The following GLYATL2 variants were observed in gnomAD, a reference collection of about 807,000 sequenced individuals.
The protein encoded by GLYATL2 is glycine-N-acyltransferase like 2, also known as glycine N-acyltransferase-like protein 2.
In GLYATL2, 25 loss-of-function variants were observed where a neutral mutation model predicts 21.4. The observed-to-expected ratio is 1.17, with a 90% CI of 0.85 to 1.63. The LOEUF (loss-of-function observed/expected upper bound fraction) is 1.63. Among genes scored for constraint, GLYATL2 ranks in the 40% most tolerant of loss-of-function variants. GLYATL2 has a pLI of 0.00. For synonymous variants in GLYATL2, 114 were observed against 118.2 expected (o/e 0.96, Z 0.23); for missense variants, 361 against 343.3 (o/e 1.05, Z -0.41).
chr11:58,878,329 C>A, intron 1 of GLYATL2: 1 of 597,358 alleles, frequency 1.7e-6, no homozygotes, highest in Non-Finnish European at 2.6e-6. Flanking sequence ...AAGGATGCTA[C>A]ATGCAGGATC....
chr11:58,868,190 C>A (rs576374752), intron 1 of GLYATL2, among the ~76,000 whole-genome samples: 1 of 149,040 alleles, frequency 6.7e-6, no homozygotes, highest in South Asian at 2.2e-4. Flanking sequence ...GGAATTGAAA[C>A]CTCCCCTGTA....
At chr11:58,851,885 G>A (rs1853747754) in intron 1 of GLYATL2, among the ~76,000 whole-genome samples, 1 of 152,190 alleles carries the variant, frequency 6.6e-6, no homozygotes, top group Admixed American at 6.5e-5. Flanking sequence ...ATTGCCACCT[G>A]AGCTAGCATG....
chr11:58,838,285 G>T lies in GLYATL2; in HGVS notation c.162C>A (p.Ile54=), dbSNP rs140753826. 1.1e-5 allele frequency: 18 copies of T among 1,612,472 alleles called. No individual in the cohort carries two copies. The highest frequency in any genetic ancestry group is 1.5e-5 in the Non-Finnish European group (18 of 1,178,842). The change falls in exon 3 of 6, where the codon ATC becomes ATA. Residue 54 remains isoleucine, a synonymous_variant. Coordinates refer to ENST00000287275, the MANE Select transcript of GLYATL2 (RefSeq NM_145016.4). ...CCTGTTTCTGAGGCCGGGTAATGAC[G>T]ATCTGGTAATCTGGCCAGGCATCTA... is the stretch of plus-strand genomic sequence containing the variant. The part of the protein sequence containing the change: ...VLVDAWPDYQ[I]VITRPQKQEM...
chr11:58,876,066 T>C (rs1054257282), intron 1 of GLYATL2, among the ~76,000 whole-genome samples: 2 of 152,248 alleles, frequency 1.3e-5, no homozygotes, highest in African/African-American at 4.8e-5. Context: ...ATACCCTTTC[T>C]TCCAGTTGAT....
chr11:58,848,123 A>G (rs1853676363), upstream of GLYATL2, among the ~76,000 whole-genome samples: 1 of 151,776 alleles, frequency 6.6e-6, no homozygotes, highest in African/African-American at 2.4e-5. Flanking sequence ...ATGAGTCTTC[A>G]AAAACCACAG....
At chr11:58,855,612 G>C (rs1853814536) in intron 1 of GLYATL2, among the ~76,000 whole-genome samples, 3 of 152,218 alleles carry the variant, frequency 2.0e-5, no homozygotes, top group Admixed American at 2.0e-4. Context: ...TAATGAGAAA[G>C]TCAGCCTGTC....
intron 1 of GLYATL2, among the ~76,000 whole-genome samples, chr11:58,898,156 C>T (rs919770722): frequency 2.0e-5 from 3 of 151,800 alleles, no homozygotes; most frequent in Admixed American, 6.6e-5. Flanking sequence ...AAATAAAGTA[C>T]CAGTTATTCT....
intron 1 of GLYATL2, among the ~76,000 whole-genome samples, chr11:58,853,782 A>G (rs933349762): frequency 3.3e-5 from 5 of 152,228 alleles, no homozygotes; most frequent in Admixed American, 3.3e-4. Flanking sequence ...AGAGCTAATT[A>G]ATATATGCAC....
chr11:58,878,372 A>C (rs901559731), intron 1 of GLYATL2: 1 of 646,722 alleles, frequency 1.5e-6, no homozygotes, highest in Non-Finnish European at 2.2e-6. Context: ...AGAGTGGCTG[A>C]GGATCATAGG....
rs144432784 is a variant in GLYATL2, at chr11:58,894,895, A to G, written n.60+9261T>C. 2.5e-3 allele frequency among the ~76,000 whole-genome samples: 375 copies of G among 152,346 alleles called. 1 individual carries two copies. The highest frequency in any genetic ancestry group is 8.7e-3 in the African/African-American group (363 of 41,588). On this transcript the variant is annotated intron_variant and non_coding_transcript_variant, in intron 1 of 4. Transcript: ENST00000533636. ...AGGGTGGAAAATTCTTACGTAAAAA[A>G]TAAACTCGGGAACTTGGGGTAATGT...
At chr11:58,896,246 G>A (rs991643185) in intron 1 of GLYATL2, among the ~76,000 whole-genome samples, 12 of 152,122 alleles carry the variant, frequency 7.9e-5, no homozygotes, top group African/African-American at 2.7e-4. Flanking sequence ...GGGGTGGAAT[G>A]GCCAGCCTCT....
At chr11:58,898,600 C>G (rs1052405513) in intron 1 of GLYATL2, among the ~76,000 whole-genome samples, 2 of 151,720 alleles carry the variant, frequency 1.3e-5, no homozygotes, top group Non-Finnish European at 2.9e-5. Flanking sequence ...TTTCGGAGAC[C>G]GAGGCGGGCA....
At position 58,837,210 on chromosome 11, in the gene GLYATL2, T is replaced by G. The variant is rs778086156; in HGVS notation, c.314-33A>C. 2.5e-6 allele frequency: 4 copies of G among 1,613,062 alleles called. No homozygotes were observed. The South Asian group carries it at 4.4e-5, about 18-fold the overall frequency. On this transcript the variant is annotated intron_variant, in intron 4 of 5. Coordinates refer to ENST00000287275, the MANE Select transcript of GLYATL2 (RefSeq NM_145016.4). ...AAGGAGAAAGACAAGTACCACTTTATGCCTTCCATATCGGCTAGGAATAAA... is the reference window on the plus strand; with the variant it reads ...AAGGAGAAAGACAAGTACCACTTTAGGCCTTCCATATCGGCTAGGAATAAA...
At chr11:58,884,706 A>G (rs1464082201) in intron 1 of GLYATL2, among the ~76,000 whole-genome samples, 3 of 152,196 alleles carry the variant, frequency 2.0e-5, no homozygotes, top group African/African-American at 4.8e-5. Context: ...CCATTCATAT[A>G]TGGTTTCAAA....
intron 1 of GLYATL2, among the ~76,000 whole-genome samples, chr11:58,851,118 C>A (rs1853733379): frequency 1.3e-5 from 2 of 152,228 alleles, no homozygotes; most frequent in South Asian, 4.1e-4. Context: ...ACTCTTTACC[C>A]TGCCCCTTTT....
upstream of GLYATL2, among the ~76,000 whole-genome samples, chr11:58,906,055 G>T (rs997273033): frequency 1.3e-5 from 2 of 152,190 alleles, no homozygotes; most frequent in African/African-American, 4.8e-5. Flanking sequence ...CAACACCTGC[G>T]AATCGGGAGC....
At chr11:58,842,896 A>G (rs1853579034) in intron 1 of GLYATL2, among the ~76,000 whole-genome samples, 1 of 152,104 alleles carries the variant, frequency 6.6e-6, no homozygotes, top group African/African-American at 2.4e-5. Context: ...TTAGGTAAAT[A>G]ATTATCTTGT....
At chr11:58,881,160 C>T (rs770985906) in intron 1 of GLYATL2, among the ~76,000 whole-genome samples, 2 of 152,092 alleles carry the variant, frequency 1.3e-5, no homozygotes, top group Non-Finnish European at 2.9e-5. Flanking sequence ...TTACTTCATG[C>T]CAGGTATGCA....
upstream of GLYATL2, among the ~76,000 whole-genome samples, chr11:58,846,140 T>C (rs541371285): frequency 7.4e-4 from 113 of 152,324 alleles, no homozygotes; most frequent in African/African-American, 2.7e-3. Context: ...ATATGTTTTA[T>C]TCCATAATTG....
Sources: allele counts gnomAD v4.1 joint callset (sites outside exome capture counted in the v4.1 genomes callset), GRCh38; gene constraint gnomAD v4.1.1; transcripts MANE v1.5; gene names NCBI Gene and HGNC (gene_info 2026-07-23, HGNC 2026-07-21).